Variants in FOXP1 observed in about 807,000 individuals in gnomAD.
FOXP1 encodes forkhead box protein P1.
A neutral mutation model predicts 98.2 loss-of-function variants in FOXP1; 15 were observed. The observed-to-expected ratio is 0.15, with a 90% confidence interval of 0.10 to 0.24. The LOEUF is 0.24. FOXP1 is among the 10% of genes least tolerant of loss of function. The pLI, the probability that FOXP1 is intolerant of heterozygous loss-of-function variation, is 1.00. For synonymous variants in FOXP1, 371 were observed against 314.5 expected (o/e 1.18, Z -1.90); for missense variants, 633 against 848.5 (o/e 0.75, Z 3.15).
chr3:71,476,795 C>G (rs145182395), intron 3 of FOXP1, among the ~76,000 whole-genome samples: 1 of 151,964 alleles, frequency 6.6e-6, no homozygotes, highest in South Asian at 2.1e-4. Context: ...TGAGCCACTG[C>G]GCCGGGCCGC....
chr3:71,524,324 C>T (rs531177652), intron 2 of FOXP1, among the ~76,000 whole-genome samples: 82 of 152,190 alleles, frequency 5.4e-4, no homozygotes, highest in African/African-American at 1.9e-3. Context: ...GATCAAGCTA[C>T]TGCACTCCAA....
intron 3 of FOXP1, among the ~76,000 whole-genome samples, chr3:71,404,381 T>C (rs937240579): frequency 8.6e-5 from 13 of 150,724 alleles, no homozygotes; most frequent in African/African-American, 3.0e-4. Flanking sequence ...CCCACCTCAG[T>C]CTCCCAAAGT....
chr3:71,436,981 T>G (rs1010194938), intron 3 of FOXP1, among the ~76,000 whole-genome samples: 11 of 152,178 alleles, frequency 7.2e-5, no homozygotes, highest in African/African-American at 2.7e-4. Flanking sequence ...CCACATTATT[T>G]GGAGTTTAAG....
chr3:71,070,431 A>G (rs539563414), intron 7 of FOXP1, among the ~76,000 whole-genome samples: 1 of 152,326 alleles, frequency 6.6e-6, no homozygotes, highest in South Asian at 2.1e-4. Flanking sequence ...TTCCCATTTC[A>G]GTGGTCCCTA....
intron 3 of FOXP1, among the ~76,000 whole-genome samples, chr3:71,429,492 G>T (rs1388339753): frequency 8.6e-6 from 1 of 116,010 alleles, no homozygotes; most frequent in Non-Finnish European, 1.8e-5. Flanking sequence ...GTGGGGGGGC[G>T]GGAGGGGGGG....
intron 6 of FOXP1, among the ~76,000 whole-genome samples, chr3:71,120,142 G>A (rs368869315): frequency 6.6e-6 from 1 of 152,156 alleles, no homozygotes; most frequent in Non-Finnish European, 1.5e-5. Context: ...AAACTTACAG[G>A]GGGTAATGAC....
intron 7 of FOXP1, among the ~76,000 whole-genome samples, chr3:71,079,819 A>G (rs1023124694): frequency 1.3e-5 from 2 of 152,240 alleles, no homozygotes; most frequent in Non-Finnish European, 2.9e-5. Context: ...TTGAATGCAT[A>G]GATGAGCGAG....
At chr3:71,033,229 G>A (rs868367166) in intron 11 of FOXP1, among the ~76,000 whole-genome samples, 5 of 152,068 alleles carry the variant, frequency 3.3e-5, no homozygotes, top group South Asian at 2.1e-4. Context: ...CAGCGGCAGC[G>A]GCGCATCAAA....
At chr3:71,479,852 G>A (rs780187149) in intron 3 of FOXP1, among the ~76,000 whole-genome samples, 53 of 152,122 alleles carry the variant, frequency 3.5e-4, no homozygotes, top group Non-Finnish European at 6.3e-4. Flanking sequence ...TTTTCTAACC[G>A]AAGTCTCCAA....
chr3:71,409,590 GA>G (rs113333779), intron 3 of FOXP1, among the ~76,000 whole-genome samples: 44,240 of 145,618 alleles, frequency 0.3, 7,101 homozygotes, highest in Middle Eastern at 0.39. Flanking sequence ...ATTTACTTTG[GA>G]AAAAAAAAAA....
chr3:71,399,351 C>T (rs976081272), intron 3 of FOXP1, among the ~76,000 whole-genome samples: 1 of 152,120 alleles, frequency 6.6e-6, no homozygotes, highest in Non-Finnish European at 1.5e-5. Flanking sequence ...AGAAACAAAA[C>T]TACAAACCAG....
chr3:71,563,491 G>A (rs2046690705), intron 2 of FOXP1, among the ~76,000 whole-genome samples: 1 of 152,110 alleles, frequency 6.6e-6, no homozygotes, highest in Admixed American at 6.5e-5. Context: ...AATCCTTCAG[G>A]ACAAAGAACC....
rs144634741 is a variant in FOXP1 at position 71,252,919 on chromosome 3, G to A, written c.-12+46901C>T. On this transcript the variant is annotated intron_variant, in intron 5 of 20. Coordinates refer to ENST00000649528, the MANE Select transcript of FOXP1 (RefSeq NM_001349338.3). ...AGTCATTACAGCTGTGCCTCAGTTT[G>A]CAACAGAAACCAAAGGAAGGATTCA... 6.5e-3 allele frequency among the ~76,000 whole-genome samples: 993 copies of A among 152,296 alleles called. 13 individuals are homozygous for A. Among genetic ancestry groups the A allele is most frequent in the African/African-American group, 0.023 (961 of 41,566 alleles).
chr3:71,015,161 C>T (rs531627823), intron 12 of FOXP1, among the ~76,000 whole-genome samples: 1 of 150,940 alleles, frequency 6.6e-6, no homozygotes, highest in East Asian at 1.9e-4. Flanking sequence ...GAAGATGACA[C>T]CTCCAACAAC....
chr3:71,109,422 T>TG (rs1359124725), intron 7 of FOXP1, among the ~76,000 whole-genome samples: 3,669 of 27,376 alleles, frequency 0.13, 145 homozygotes, highest in African/African-American at 0.28. Flanking sequence ...TTTGGGGATT[T>TG]GGGGGTTTTT....
chr3:71,471,272 T>C (rs1376115705), intron 3 of FOXP1, among the ~76,000 whole-genome samples: 2 of 151,106 alleles, frequency 1.3e-5, no homozygotes, highest in Admixed American at 6.6e-5. Context: ...TATAGTATAA[T>C]AAGTACACTT....
At chr3:70,966,379 G>T (rs774644606) in intron 19 of FOXP1, 5 of 367,050 alleles carry the variant, frequency 1.4e-5, no homozygotes, top group Non-Finnish European at 2.6e-5. Flanking sequence ...TTTTTAAGAG[G>T]AGCTGAATAT....
chr3:71,549,212 C>G (rs1320483355), intron 2 of FOXP1, among the ~76,000 whole-genome samples: 1 of 152,178 alleles, frequency 6.6e-6, no homozygotes, highest in Non-Finnish European at 1.5e-5. Context: ...GCATACACCA[C>G]TTAGAACTAA....
chr3:70,970,669 T>TATATTTTGAAATGAGTAGGGGAGAC, intron 19 of FOXP1, 67 bp downstream of exon 19: 1 of 1,205,860 alleles, frequency 8.3e-7, no homozygotes, highest in Non-Finnish European at 1.2e-6. Flanking sequence ...GCAAGGCTAA[T>TATATTTTGAAATGAGTAGGGGAGAC]ATATTTTGAA....
Sources: allele counts gnomAD v4.1 joint callset (sites outside exome capture counted in the v4.1 genomes callset), GRCh38; gene constraint gnomAD v4.1.1; transcripts MANE v1.5; gene names NCBI Gene and HGNC (gene_info 2026-07-23, HGNC 2026-07-21).